The following PHACTR1 variants were observed in gnomAD, a reference collection of about 807,000 sequenced individuals.
PHACTR1 encodes the protein RPEL repeat containing 1.
In PHACTR1, 16 loss-of-function variants were observed where a neutral mutation model predicts 69.2. That is an observed-to-expected ratio of 0.23 (90% CI 0.16 to 0.35). The LOEUF (loss-of-function observed/expected upper bound fraction) is 0.35, where lower values mean the gene tolerates loss of function less well. Among genes scored for constraint, PHACTR1 ranks in the 10% least tolerant of loss-of-function variants. The pLI is 1.00. For missense variants in PHACTR1, 510 were observed against 734.7 expected, an observed-to-expected ratio of 0.69 and a Z score of 3.54; for synonymous variants, 312 against 284.5, an observed-to-expected ratio of 1.10 and a Z score of -0.97.
chr6:12,749,445 A>T, intron 3 of PHACTR1, 199 bp from the exon 4 acceptor site: 1 of 628,118 alleles, frequency 1.6e-6, no homozygotes, highest in Non-Finnish European at 3.0e-6. Flanking sequence ...CTCTCCCTTC[A>T]CCCCTTTCTC....
intron 4 of PHACTR1, among the ~76,000 whole-genome samples, chr6:12,765,893 A>C (rs1026400152): frequency 2.0e-5 from 3 of 152,242 alleles, no homozygotes; most frequent in African/African-American, 4.8e-5. Context: ...AAAATTTAAC[A>C]TGCAATTCTT....
intron 7 of PHACTR1, among the ~76,000 whole-genome samples, chr6:13,199,183 T>C (rs535448713): frequency 3.7e-4 from 56 of 152,152 alleles, no homozygotes; most frequent in African/African-American, 1.1e-3. Flanking sequence ...GTCAGGAGTT[T>C]GAGACCAGCT....
chr6:13,078,408 G>T (rs1352325190), intron 5 of PHACTR1, among the ~76,000 whole-genome samples: 1 of 152,096 alleles, frequency 6.6e-6, no homozygotes. Context: ...AATCCAATGG[G>T]TGATATCTTC....
intron 4 of PHACTR1, among the ~76,000 whole-genome samples, chr6:12,855,443 C>T (rs1477600878): frequency 6.6e-6 from 1 of 152,152 alleles, no homozygotes; most frequent in Non-Finnish European, 1.5e-5. Flanking sequence ...CAGGACGAGA[C>T]CCTGTCTCTA....
At chr6:13,193,734 G>A (rs1384444203) in intron 7 of PHACTR1, among the ~76,000 whole-genome samples, 5 of 152,024 alleles carry the variant, frequency 3.3e-5, no homozygotes, top group South Asian at 4.1e-4. Flanking sequence ...AACTTCATAC[G>A]TCTATCTCCT....
At chr6:13,154,125 G>T (rs772005461) in intron 5 of PHACTR1, among the ~76,000 whole-genome samples, 1 of 152,024 alleles carries the variant, frequency 6.6e-6, no homozygotes, top group Non-Finnish European at 1.5e-5. Context: ...GCATCCCCTC[G>T]TGTGGACACT....
At chr6:12,749,336 G>A in intron 3 of PHACTR1, 1 of 455,458 alleles carries the variant, frequency 2.2e-6, no homozygotes, top group South Asian at 1.9e-5. Context: ...CTGGCCCCTC[G>A]GCCCTGTGGC....
chr6:13,136,797 T>C (rs1821627021), intron 5 of PHACTR1, among the ~76,000 whole-genome samples: 1 of 152,196 alleles, frequency 6.6e-6, no homozygotes, highest in Admixed American at 6.5e-5. Flanking sequence ...AGATAGGAAA[T>C]GGCAGCTCAA....
At chr6:13,235,769 A>G (rs1584143236) in intron 10 of PHACTR1, among the ~76,000 whole-genome samples, 1 of 152,234 alleles carries the variant, frequency 6.6e-6, no homozygotes, top group South Asian at 2.1e-4. Flanking sequence ...TGGTCAGACA[A>G]CAGCCAGTCT....
At chr6:12,939,764 G>T (rs1789871863) in intron 4 of PHACTR1, among the ~76,000 whole-genome samples, 2 of 152,022 alleles carry the variant, frequency 1.3e-5, no homozygotes, top group South Asian at 2.1e-4. Flanking sequence ...CTCAAATCCA[G>T]GTTTTCTGAC....
At chr6:13,007,035 A>G (rs1798877280) in intron 4 of PHACTR1, among the ~76,000 whole-genome samples, 1 of 152,232 alleles carries the variant, frequency 6.6e-6, no homozygotes, top group South Asian at 2.1e-4. Context: ...TATTTTAGTC[A>G]GTTTTGTGAA....
chr6:12,911,959 G>A (rs1331367917), intron 4 of PHACTR1, among the ~76,000 whole-genome samples: 1 of 152,202 alleles, frequency 6.6e-6, no homozygotes, highest in East Asian at 1.9e-4. Flanking sequence ...CATGTGATGA[G>A]TGTTGTACCT....
At chr6:13,008,976 A>G (rs1453822384) in intron 4 of PHACTR1, among the ~76,000 whole-genome samples, 1 of 152,142 alleles carries the variant, frequency 6.6e-6, no homozygotes, top group Non-Finnish European at 1.5e-5. Context: ...GTGGGCCAAG[A>G]TCCCTCCAGA....
At chr6:12,932,064 C>G (rs750967925) in intron 4 of PHACTR1, among the ~76,000 whole-genome samples, 22 of 152,062 alleles carry the variant, frequency 1.4e-4, no homozygotes, top group Admixed American at 5.2e-4. Context: ...AGGTAGGACC[C>G]GAAATCTGTG....
chr6:12,756,319 C>T (rs1767316697), intron 4 of PHACTR1, among the ~76,000 whole-genome samples: 2 of 152,096 alleles, frequency 1.3e-5, no homozygotes, highest in African/African-American at 4.8e-5. Flanking sequence ...TTGTATGGTA[C>T]AAGAGAAACT....
At chr6:12,854,318 T>C (rs1166660863) in intron 4 of PHACTR1, among the ~76,000 whole-genome samples, 1 of 152,208 alleles carries the variant, frequency 6.6e-6, no homozygotes, top group Non-Finnish European at 1.5e-5. Context: ...CATGGAAATG[T>C]GTATGTTTCT....
intron 5 of PHACTR1, among the ~76,000 whole-genome samples, chr6:13,096,885 T>C (rs1292819505): frequency 2.0e-5 from 3 of 152,218 alleles, no homozygotes; most frequent in African/African-American, 7.2e-5. Flanking sequence ...GCGTGACTTC[T>C]GGAATACAGA....
intron 4 of PHACTR1, among the ~76,000 whole-genome samples, chr6:12,830,125 G>GAAAGAAAGAAAGA (rs1413292579): frequency 3.2e-5 from 4 of 126,610 alleles, no homozygotes; most frequent in African/African-American, 6.2e-5. Flanking sequence ...AAGAAAGAAA[G>GAAAGAAAGAAAGA]AAAGAAAGAA....
chr6:13,024,818 C>G (rs1801454922), intron 4 of PHACTR1, among the ~76,000 whole-genome samples: 1 of 152,200 alleles, frequency 6.6e-6, no homozygotes, highest in Non-Finnish European at 1.5e-5. Context: ...TGATGGGCTA[C>G]TGGACCCCTC....
Sources: allele counts gnomAD v4.1 joint callset (sites outside exome capture counted in the v4.1 genomes callset), GRCh38; gene constraint gnomAD v4.1.1; transcripts MANE v1.5; gene names NCBI Gene and HGNC (gene_info 2026-07-23, HGNC 2026-07-21).